The following ANAPC1 variants were observed in gnomAD, a reference collection of about 807,000 sequenced individuals.
ANAPC1 encodes anaphase-promoting complex subunit 1.
In ANAPC1, 36 loss-of-function variants were observed where a neutral mutation model predicts 208.0. That is an observed-to-expected ratio of 0.17 (90% CI 0.13 to 0.23). ANAPC1 has a LOEUF of 0.23. ANAPC1 is among the 10% of genes least tolerant of loss of function. ANAPC1 has a pLI of 1.00. For synonymous variants in ANAPC1, 378 were observed against 695.2 expected (o/e 0.54, Z 7.18); for missense variants, 942 against 2,011.6 (o/e 0.47, Z 10.17).
chr2:111,849,607 A>G (rs1681281401), intron 14 of ANAPC1, among the ~76,000 whole-genome samples: 1 of 152,214 alleles, frequency 6.6e-6, no homozygotes, highest in African/African-American at 2.4e-5. Flanking sequence ...CAGGTCATTC[A>G]GAGAATTCGG....
intron 8 of ANAPC1, among the ~76,000 whole-genome samples, chr2:111,864,448 T>TAATA (rs1558734893): frequency 2.5e-5 from 2 of 81,012 alleles, no homozygotes; most frequent in Non-Finnish European, 3.0e-5. Context: ...AACTACTCTT[T>TAATA]CATATATATA....
At chr2:111,840,540 C>T (rs1395472345) in intron 17 of ANAPC1, among the ~76,000 whole-genome samples, 2 of 152,112 alleles carry the variant, frequency 1.3e-5, no homozygotes, top group African/African-American at 2.4e-5. Context: ...AACATGGAAA[C>T]GCGAAGGGGC....
At chr2:111,776,774 A>G in intron 46 of ANAPC1, 85 bp downstream of exon 46, 2 of 225,426 alleles carry the variant, frequency 8.9e-6, no homozygotes, top group Non-Finnish European at 1.6e-5. Flanking sequence ...TTGCTTACCA[A>G]TGAAAAAACA....
intron 11 of ANAPC1, 117 bp from the exon 12 acceptor site, chr2:111,857,003 T>G (rs978975475): frequency 3.0e-6 from 2 of 671,698 alleles, no homozygotes; most frequent in African/African-American, 3.6e-5. Context: ...ATGAGCCCAT[T>G]TATATAACAT....
At chr2:111,823,788 G>A (rs1049336990) in intron 24 of ANAPC1, among the ~76,000 whole-genome samples, 4 of 151,698 alleles carry the variant, frequency 2.6e-5, no homozygotes, top group African/African-American at 9.7e-5. Flanking sequence ...CACAAATGTA[G>A]GTAGGGCAGT....
chr2:111,871,924 A>G (rs1243627633), intron 6 of ANAPC1, among the ~76,000 whole-genome samples: 1 of 152,122 alleles, frequency 6.6e-6, no homozygotes, highest in East Asian at 1.9e-4. Flanking sequence ...GTATATAATC[A>G]TATTATCAGC....
chr2:111,849,742 C>G (rs1681288172), intron 14 of ANAPC1, among the ~76,000 whole-genome samples: 1 of 151,634 alleles, frequency 6.6e-6, no homozygotes, highest in South Asian at 2.1e-4. Flanking sequence ...TGCCCTAGCT[C>G]AGACCCTCTT....
At position 111,825,822 on chromosome 2, in the gene ANAPC1, A is replaced by G. The variant is rs752483759; in HGVS notation, c.2659T>C (p.Leu887=). 6.2e-7 allele frequency: 1 copy of G among 1,613,842 alleles called. No homozygotes were observed. Among genetic ancestry groups the G allele is most frequent in the South Asian group, 1.1e-5 (1 of 91,064 alleles). The change falls in exon 22 of 48, where the codon TTG becomes CTG. Residue 887 remains leucine, a synonymous_variant. Transcript: ENST00000341068. Reference sequence around the variant, plus strand: ...TACTGTGAGGATTCATCAGAAACCAAGCTCTCATCACCAAGTATGTACAGT... The same window carrying G: ...TACTGTGAGGATTCATCAGAAACCAGGCTCTCATCACCAAGTATGTACAGT... ...IALYILGDES[L]VSDESSQYLT... is the part of the protein sequence containing the mutation.
intron 38 of ANAPC1, among the ~76,000 whole-genome samples, chr2:111,789,402 C>T (rs2104518919): frequency 6.8e-6 from 1 of 147,146 alleles, no homozygotes; most frequent in South Asian, 2.2e-4. Flanking sequence ...CACATAAAAC[C>T]ACTTCTAAAA....
chr2:111,826,373 C>T (rs955736675), intron 21 of ANAPC1, among the ~76,000 whole-genome samples: 1 of 152,206 alleles, frequency 6.6e-6, no homozygotes, highest in Non-Finnish European at 1.5e-5. Context: ...TCCTCCTACA[C>T]CCAGCACTGG....
chr2:111,810,694 C>T (rs1678937775), intron 28 of ANAPC1, among the ~76,000 whole-genome samples: 1 of 146,700 alleles, frequency 6.8e-6, no homozygotes, highest in Non-Finnish European at 1.5e-5. Flanking sequence ...ACCAGCCTGG[C>T]CAACATGGTG....
chr2:111,846,559 A>ATTTTTTTTTTTT (rs775041785), intron 16 of ANAPC1, among the ~76,000 whole-genome samples: 1 of 46,266 alleles, frequency 2.2e-5, no homozygotes, highest in Non-Finnish European at 3.9e-5. Flanking sequence ...ATATATATAT[A>ATTTTTTTTTTTT]TTTTTTTTTT....
intron 6 of ANAPC1, among the ~76,000 whole-genome samples, chr2:111,872,242 A>G (rs1682791268): frequency 6.6e-6 from 1 of 152,164 alleles, no homozygotes. Flanking sequence ...TATTGAGATG[A>G]TCATATGGTT....
chr2:111,822,950 T>A (rs1034600567), intron 24 of ANAPC1, among the ~76,000 whole-genome samples: 3 of 148,600 alleles, frequency 2.0e-5, no homozygotes, highest in African/African-American at 7.4e-5. Context: ...TCAAAGCCAA[T>A]CAATACTAAA....
In ANAPC1 at chr2:111,821,264, C is replaced by T. The variant is rs1679517063; in HGVS notation, c.3181G>A (p.Glu1061Lys). 6 of 1,612,074 alleles carry T rather than the reference C, an allele frequency of 3.7e-6. No homozygotes were observed. The highest frequency in any genetic ancestry group is 5.1e-6 in the Non-Finnish European group (6 of 1,179,772). Reference sequence around the variant, plus strand: ...CTGTTTTCCTTTTCCTCGATGAACTCGTGGTCACTGAGCTCTGGGTACTGC... The same window carrying T: ...CTGTTTTCCTTTTCCTCGATGAACTTGTGGTCACTGAGCTCTGGGTACTGC... ...VVQYPELSDH[E>K]FIEEKENRLL... The change falls in exon 26 of 48, where the codon GAG (glutamate) becomes AAG (lysine). Residue 1061 changes from glutamate to lysine, a missense_variant. Transcript: ENST00000341068.
intron 38 of ANAPC1, among the ~76,000 whole-genome samples, chr2:111,789,007 G>A (rs1178240327): frequency 7.2e-5 from 11 of 152,364 alleles, no homozygotes; most frequent in Non-Finnish European, 1.0e-4. Flanking sequence ...GCGCCGTGGC[G>A]GGCGCCTATA....
In ANAPC1 at chr2:111,847,800, A is replaced by C. The variant is rs1175944249; in HGVS notation, c.1716T>G (p.Asn572Lys). 7 of 1,607,270 alleles carry C rather than the reference A, an allele frequency of 4.4e-6. No individual in the cohort carries two copies. The Admixed American group carries it at 5.1e-5, about 12-fold the overall frequency. Residue 572 changes from asparagine to lysine, a missense_variant, in exon 15 of 48, where the codon AAT (asparagine) becomes AAG (lysine). Transcript: ENST00000341068. ...CAAGCTGTTGGAAAGTACAATCCTC[A>C]TTATAGAGAGAATCATGAAGTTTTG... is the stretch of plus-strand genomic sequence containing the variant. ...DSSKLHDSLY[N>K]EDCTFQQLGT...
intron 3 of ANAPC1, 80 bp from the exon 4 acceptor site, chr2:111,873,744 T>C: frequency 7.0e-7 from 1 of 1,429,092 alleles, no homozygotes; most frequent in Non-Finnish European, 9.3e-7. Flanking sequence ...TAAATAATAA[T>C]AATAGCATCT....
rs1293936620 is a variant in ANAPC1, at chr2:111,821,483, T to A, written c.2992-30A>T. 21 of 1,438,416 alleles carry A rather than the reference T, an allele frequency of 1.5e-5. No individual in the cohort carries two copies. The East Asian group carries it at 4.7e-4, about 32-fold the overall frequency. 89.1% of individuals were successfully genotyped at this position (1,438,416 alleles called of 1,614,324 possible). A position where few individuals can be genotyped will look rare whatever the true frequency, so the allele number is the denominator to read the frequency against. On this transcript the variant is annotated intron_variant, in intron 25 of 47. Transcript: ENST00000341068. ...GTAACAGACTTTATTGTAATAATAA[T>A]TTCAAAAGCAGTTAACATGCACTTG...
Sources: gnomAD v4.1 joint callset for allele counts (sites outside exome capture counted in the v4.1 genomes callset) on GRCh38, gnomAD v4.1.1 for gene constraint, MANE v1.5 for transcripts, NCBI Gene and HGNC (gene_info 2026-07-23, HGNC 2026-07-21) for gene names.